ZNF385D: variants seen among roughly 807,000 people sequenced by gnomAD.
ZNF385D encodes the protein zinc finger protein 385D.
Under a neutral mutation model 35.8 loss-of-function variants are expected in ZNF385D, and 15 were observed. The ratio of observed to expected loss-of-function variants is 0.42; its 90% CI spans 0.28 to 0.64. The LOEUF (loss-of-function observed/expected upper bound fraction) is 0.64, where lower values mean the gene tolerates loss of function less well. ZNF385D is among the 30% of genes least tolerant of loss of function. The probability of loss-of-function intolerance (pLI) is 0.23; values close to 1 mark genes in which losing one functional copy is unlikely to be tolerated. For synonymous variants in ZNF385D, 212 were observed against 186.8 expected (o/e 1.13, Z -1.10); for missense variants, 474 against 494.6 (o/e 0.96, Z 0.39).
At chr3:21,742,179 G>A (rs920811026) in intron 1 of ZNF385D, among the ~76,000 whole-genome samples, 1 of 152,136 alleles carries the variant, frequency 6.6e-6, no homozygotes, top group Non-Finnish European at 1.5e-5. Context: ...ACACTTCACT[G>A]TCAGACTTTT....
At chr3:21,806,973 G>C (rs1274238401) in intron 3 of ZNF385D, among the ~76,000 whole-genome samples, 3 of 152,198 alleles carry the variant, frequency 2.0e-5, no homozygotes, top group African/African-American at 7.2e-5. Context: ...TTTTTCTGAA[G>C]TGAATGCCAA....
intron 4 of ZNF385D, among the ~76,000 whole-genome samples, chr3:21,464,524 C>G (rs1703384064): frequency 6.6e-6 from 1 of 152,056 alleles, no homozygotes; most frequent in Non-Finnish European, 1.5e-5. Context: ...TCTTTGCTTT[C>G]TTCTCTCTGG....
rs116352253 is a variant in ZNF385D at position 22,274,573 on chromosome 3, C to T, written c.106+97877G>A. On this transcript the variant is annotated intron_variant, in intron 2 of 5. Coordinates refer to the ZNF385D transcript ENST00000494108. ...GTTTCACCAAGGTTGCCCAAGAGTC[C>T]ATTGCAATCAAGATGTTAAATTCTT... 5.1e-3 allele frequency among the ~76,000 whole-genome samples: 771 copies of T among 151,952 alleles called. 6 individuals carry two copies. Among genetic ancestry groups the T allele is most frequent in the African/African-American group, 0.017 (717 of 41,490 alleles).
chr3:22,130,253 A>G (rs1449131875), intron 3 of ZNF385D, among the ~76,000 whole-genome samples: 1 of 152,120 alleles, frequency 6.6e-6, no homozygotes, highest in Middle Eastern at 3.2e-3. Flanking sequence ...TGCACTGCCT[A>G]AAGTTGGGAG....
intron 2 of ZNF385D, among the ~76,000 whole-genome samples, chr3:21,630,877 A>T (rs188760289): frequency 1.3e-5 from 2 of 152,216 alleles, no homozygotes; most frequent in East Asian, 3.9e-4. Flanking sequence ...TCTCTCTTTT[A>T]AAGAAGAGGT....
chr3:21,806,433 C>A (rs1253104594), intron 3 of ZNF385D, among the ~76,000 whole-genome samples: 1 of 152,022 alleles, frequency 6.6e-6, no homozygotes, highest in African/African-American at 2.4e-5. Context: ...TCTCGATCTC[C>A]TGACCTCGTG....
At chr3:21,561,633 G>A (rs1464426035) in intron 3 of ZNF385D, among the ~76,000 whole-genome samples, 7 of 152,126 alleles carry the variant, frequency 4.6e-5, no homozygotes, top group Admixed American at 1.3e-4. Context: ...TTTTAAATTG[G>A]CCTAATTTCA....
At chr3:22,133,622 G>C (rs1703933216) in intron 3 of ZNF385D, 1 of 151,834 alleles carries the variant, frequency 6.6e-6, no homozygotes, top group Admixed American at 6.6e-5. Flanking sequence ...TTAGAGGACT[G>C]GGGGGAGATA....
At chr3:21,529,066 T>G (rs568775418) in intron 3 of ZNF385D, among the ~76,000 whole-genome samples, 47 of 152,240 alleles carry the variant, frequency 3.1e-4, no homozygotes, top group South Asian at 4.1e-4. Flanking sequence ...TTTCCATTTT[T>G]TTTGTGTGTG....
chr3:22,262,249 A>G lies in ZNF385D; in HGVS notation c.107-93214T>C, dbSNP rs74772731. ...AGGAGACATGAGCTATTCTGTGAGAATCTTTGCATTACTAGAGGCCTTGGG... is the reference window on the plus strand; with the variant it reads ...AGGAGACATGAGCTATTCTGTGAGAGTCTTTGCATTACTAGAGGCCTTGGG... On this transcript the variant is annotated intron_variant, in intron 2 of 5. Transcript: ENST00000494108. 1.3e-4 allele frequency among the ~76,000 whole-genome samples: 20 copies of G among 152,020 alleles called. No individual in the cohort carries two copies. In the East Asian group the frequency reaches 3.9e-3, roughly 30 times the overall value.
intron 4 of ZNF385D, among the ~76,000 whole-genome samples, chr3:21,505,987 G>A (rs1485010292): frequency 6.6e-6 from 1 of 152,118 alleles, no homozygotes; most frequent in African/African-American, 2.4e-5. Flanking sequence ...GATGGAGGCT[G>A]TGCTTCCCAG....
intron 2 of ZNF385D, among the ~76,000 whole-genome samples, chr3:22,250,219 C>A (rs927187859): frequency 1.3e-5 from 2 of 152,024 alleles, no homozygotes; most frequent in Non-Finnish European, 1.5e-5. Flanking sequence ...CTGAAAATTT[C>A]TTTATAGATA....
At chr3:21,626,076 G>A (rs1358051333) in intron 2 of ZNF385D, among the ~76,000 whole-genome samples, 1 of 152,004 alleles carries the variant, frequency 6.6e-6, no homozygotes, top group African/African-American at 2.4e-5. Context: ...ATTGAGGGAG[G>A]TTACACAAAT....
intron 3 of ZNF385D, among the ~76,000 whole-genome samples, chr3:22,016,386 G>T (rs768359015): frequency 2.0e-5 from 3 of 152,090 alleles, no homozygotes; most frequent in Non-Finnish European, 4.4e-5. Context: ...GCTATACTTA[G>T]CATTCTATGT....
chr3:22,232,858 C>A (rs1698975921), intron 2 of ZNF385D, among the ~76,000 whole-genome samples: 1 of 152,216 alleles, frequency 6.6e-6, no homozygotes, highest in African/African-American at 2.4e-5. Context: ...CTTCTCTCTG[C>A]ACAATTCTTG....
chr3:21,803,393 T>C (rs1037616751), intron 3 of ZNF385D, among the ~76,000 whole-genome samples: 1 of 152,184 alleles, frequency 6.6e-6, no homozygotes, highest in African/African-American at 2.4e-5. Flanking sequence ...GAAAATCATC[T>C]GGACACCATG....
At chr3:21,734,955 C>G (rs896279524) in intron 1 of ZNF385D, among the ~76,000 whole-genome samples, 1 of 152,110 alleles carries the variant, frequency 6.6e-6, no homozygotes, top group Admixed American at 6.6e-5. Context: ...CTTGATCATG[C>G]CTTTGGGACT....
intron 3 of ZNF385D, among the ~76,000 whole-genome samples, chr3:21,559,945 A>G (rs143540186): frequency 0.011 from 1,750 of 152,226 alleles, 27 homozygotes; most frequent in African/African-American, 0.039. Context: ...TGTTTGATCA[A>G]TTCGGCTATT....
At chr3:21,924,690 C>T (rs1213828591) in intron 3 of ZNF385D, among the ~76,000 whole-genome samples, 1 of 152,014 alleles carries the variant, frequency 6.6e-6, no homozygotes, top group Admixed American at 6.6e-5. Flanking sequence ...GTAATAAGGC[C>T]CTACCTCCAT....
Sources: gnomAD v4.1 joint callset for allele counts (sites outside exome capture counted in the v4.1 genomes callset) on GRCh38, gnomAD v4.1.1 for gene constraint, MANE v1.5 for transcripts, NCBI Gene and HGNC (gene_info 2026-07-23, HGNC 2026-07-21) for gene names.